The following APOB variants were observed in gnomAD, a reference collection of about 807,000 sequenced individuals.
APOB encodes apolipoprotein B, also known as apolipoprotein B-100.
APOB carries 153 observed loss-of-function variants against 314.1 expected under a neutral mutation model. The observed-to-expected ratio is 0.49, with a 90% CI of 0.43 to 0.56. APOB has a LOEUF of 0.56. Ranked by LOEUF, APOB falls within the 20% of genes least tolerant of loss-of-function variation. The pLI is 0.00. For missense variants in APOB, 5,430 were observed against 5,350.7 expected, an observed-to-expected ratio of 1.01 and a Z score of -0.46; for synonymous variants, 2,087 against 2,036.4, an observed-to-expected ratio of 1.02 and a Z score of -0.67.
In APOB at chr2:21,011,216, G is replaced by T. The variant is rs766106302; in HGVS notation, c.5652C>A (p.Asn1884Lys). ...TGAAATGCAGTGAGTCTGAATTATA[G>T]TTTGTGCTCATGTCAATGGCTGAAG... ...GLASAIDMSTNYNSDSLHFSN... is the reference protein window; with the variant it reads ...GLASAIDMSTKYNSDSLHFSN... The change falls in exon 26 of 29, where the codon AAC (asparagine) becomes AAA (lysine). Residue 1884 changes from asparagine to lysine, a missense_variant. This residue lies in a region of APOB where 3,281 missense variants were observed against 3,171.0 expected (regional missense o/e 1.03). Coordinates refer to ENST00000233242, the MANE Select transcript of APOB (RefSeq NM_000384.3). 1 of 1,614,174 alleles carries T rather than the reference G, an allele frequency of 6.2e-7. No individual in the cohort carries two copies. The highest frequency in any genetic ancestry group is 1.1e-5 in the South Asian group (1 of 91,078).
rs886055584 is a variant in APOB at position 21,010,564 on chromosome 2, T to C, written c.6304A>G (p.Ile2102Val). The change falls in exon 26 of 29, where the codon ATC becomes GTC. Residue 2102 changes from isoleucine to valine, a missense_variant. Around this residue, in one of 3 missense-constraint regions of APOB, gnomAD observed 3,281 missense variants for 3,171.0 expected, o/e 1.03. Transcript: ENST00000233242. ...TTTCTTACAAATTGATCAATATTGA[T>C]GTGCTTCAGGTTTCTCTGTACGTTT... ...LENVQRNLKH[I>V]NIDQFVRKYR... The C allele has an allele frequency of 6.2e-7, 1 of 1,613,276 alleles. No individual in the cohort carries two copies.
At chr2:21,019,645 A>AT (rs34920068) in intron 19 of APOB, 78 bp downstream of exon 19, 3 of 1,457,326 alleles carry the variant, frequency 2.1e-6, no homozygotes, top group East Asian at 2.3e-5. Flanking sequence ...AACACAGAGT[A>AT]TTTTTTCCTG....
At position 21,012,232 on chromosome 2, in the gene APOB, A is replaced by T. The variant is rs762770457; in HGVS notation, c.4636T>A (p.Ser1546Thr). The T allele has an allele frequency of 3.9e-5, 62 of 1,609,914 alleles. No individual in the cohort carries two copies. The highest frequency in any genetic ancestry group is 5.3e-5 in the Non-Finnish European group (62 of 1,177,046). Residue 1546 changes from serine to threonine, a missense_variant, in exon 26 of 29, where the codon TCC becomes ACC. Transcript: ENST00000233242. ...ATGCCACTTTGCAGATCAGAGGTGGAGGTGAGGGAGAGGGTTCCATCTTCA... is the reference window on the plus strand; with the variant it reads ...ATGCCACTTTGCAGATCAGAGGTGGTGGTGAGGGAGAGGGTTCCATCTTCA... ...RYEDGTLSLT[S>T]TSDLQSGIIK...
chr2:21,043,091 G>T (rs1304801725), intron 2 of APOB, among the ~76,000 whole-genome samples: 4 of 149,748 alleles, frequency 2.7e-5, no homozygotes, highest in African/African-American at 7.4e-5. Context: ...ACAGGGTCGC[G>T]CTTGGAGGCC....
In APOB at chr2:21,043,618, G is replaced by C. The variant is rs12714269; in HGVS notation, c.83-67C>G. The C allele has an allele frequency of 7.1e-6, 11 of 1,556,108 alleles. No individual in the cohort carries two copies. In the East Asian group the frequency reaches 1.7e-4, roughly 23 times the overall value. On this transcript the variant is annotated intron_variant, in intron 1 of 28. Coordinates refer to ENST00000233242, the MANE Select transcript of APOB (RefSeq NM_000384.3). ...TCCCAGCGGGTGCTAGGGCCCGACA[G>C]GGGGACCACCGGCACAGGTTTCACC...
Position 21,005,408 on chromosome 2 carries a change from T to G in APOB, c.11460A>C (p.Leu3820Phe). 6.2e-7 allele frequency: 1 copy of G among 1,614,074 alleles called. No homozygotes were observed. The change falls in exon 26 of 29, where the codon TTA (leucine) becomes TTC (phenylalanine). Residue 3820 changes from leucine (L) to phenylalanine (F), a missense_variant. Transcript: ENST00000233242. ...TTGGAAGCGTGAACTGGGACACAGT[T>G]AACTGAGATTCAGGCACGGTTATCT... is the stretch of plus-strand genomic sequence containing the variant. ...FFEITVPESQ[L>F]TVSQFTLPKS... is the part of the protein sequence containing the mutation.
chr2:21,029,620 C>T lies in APOB; in HGVS notation c.1617+19G>A, dbSNP rs773902785. 2.4e-5 allele frequency: 39 copies of T among 1,613,826 alleles called. No individual in the cohort carries two copies. In the Middle Eastern group the frequency reaches 6.6e-4, roughly 27 times the overall value. On this transcript the variant is annotated intron_variant, in intron 12 of 28. Transcript: ENST00000233242. ...TGTTAATAAACTTTCACTTTCAGAC[C>T]TCTTCTTGTGGACTTTACCTTGTCT... is the stretch of plus-strand genomic sequence containing the variant.
Position 21,008,756 on chromosome 2 carries a change from C to A in APOB, c.8112G>T (p.Ala2704=). The A allele has an allele frequency of 1.2e-6, 2 of 1,613,964 alleles. No homozygotes were observed. The highest frequency in any genetic ancestry group is 1.7e-6 in the Non-Finnish European group (2 of 1,179,938). Residue 2704 remains alanine (A), a synonymous_variant, in exon 26 of 29, where the codon GCG becomes GCT. Coordinates refer to ENST00000233242, the MANE Select transcript of APOB (RefSeq NM_000384.3). ...RDLKVEDIPL[A]RITLPDFRLP... ...AACGGAAGTCTGGCAGGGTGATTCT[C>A]GCTAGAGGAATGTCCTCCACCTTCA...
At chr2:21,037,026 G>T in intron 6 of APOB, 74 bp downstream of exon 6, 1 of 1,591,374 alleles carries the variant, frequency 6.3e-7, no homozygotes, top group Non-Finnish European at 8.6e-7. Flanking sequence ...GTGCCCACTA[G>T]CTCAAAAGTT....
At position 21,019,033 on chromosome 2, in the gene APOB, C is replaced by G. The variant is rs147896704; in HGVS notation, c.3080G>C (p.Arg1027Thr). The change falls in exon 20 of 29, where the codon AGA becomes ACA. Residue 1027 changes from arginine (R) to threonine (T), a missense_variant. Physicochemically the swap from Arg to Thr is moderately conservative, Grantham distance 71. Coordinates refer to ENST00000233242, the MANE Select transcript of APOB (RefSeq NM_000384.3). ...SATYELQRED[R>T]ALVDTLKFVT... ...AAACTTCAGGGTATCCACCAAGGCTCTGTCCTCTCTCTGGAGCTCATAGGT... is the reference window on the plus strand; with the variant it reads ...AAACTTCAGGGTATCCACCAAGGCTGTGTCCTCTCTCTGGAGCTCATAGGT... 4 of 1,613,992 alleles carry G rather than the reference C, an allele frequency of 2.5e-6. No homozygotes were observed. The African/African-American group carries it at 5.3e-5, about 22-fold the overall frequency.
rs919234513 is a variant in APOB at position 21,002,547 on chromosome 2, G to A, written c.12875C>T (p.Thr4292Ile). The change falls in exon 29 of 29, where the codon ACC (threonine) becomes ATC (isoleucine). Residue 4292 changes from threonine to isoleucine, a missense_variant. Physicochemically the swap from Thr to Ile is moderately conservative, Grantham distance 89 (BLOSUM62 -1). This residue lies in a region of APOB where 3,281 missense variants were observed against 3,171.0 expected (regional missense o/e 1.03). Transcript: ENST00000233242. The part of the protein sequence containing the change: ...EVFKAIQSLK[T>I]TEVLRNLQDL... ...CTGAAGATTACGTAGCACCTCTGTG[G>A]TCTTGAGAGACTGAATGGCTTTAAA... 3.1e-6 allele frequency: 5 copies of A among 1,613,818 alleles called. No individual in the cohort carries two copies. Among genetic ancestry groups the A allele is most frequent in the Non-Finnish European group, 4.2e-6 (5 of 1,179,906 alleles).
intron 20 of APOB, 44 bp downstream of exon 20, chr2:21,018,948 G>A (rs772985337): frequency 1.1e-5 from 17 of 1,613,526 alleles, no homozygotes; most frequent in Admixed American, 6.7e-5. Context: ...TTCTGAACCT[G>A]AGACTGCGAG....
rs751695242 is a variant in APOB, at chr2:21,029,819, G to C, written c.1471-34C>G. The C allele has an allele frequency of 3.3e-5, 53 of 1,613,466 alleles. 1 individual carries two copies. Among genetic ancestry groups the C allele is most frequent in the Non-Finnish European group, 3.6e-5 (43 of 1,179,908 alleles). ...AAGAAAAGAAACAAGAACCCATCAG[G>C]GTGCAGGAGAGGGAAGTAAAAGGTG... On this transcript the variant is annotated intron_variant, in intron 11 of 28. Coordinates refer to ENST00000233242, the MANE Select transcript of APOB (RefSeq NM_000384.3).
rs1410827460 is a variant in APOB at position 21,005,805 on chromosome 2, A to G, written c.11063T>C (p.Leu3688Pro). Residue 3688 changes from leucine to proline, a missense_variant, in exon 26 of 29, where the codon CTA becomes CCA. Around this residue, in one of 3 missense-constraint regions of APOB, gnomAD observed 3,281 missense variants for 3,171.0 expected, o/e 1.03. Coordinates refer to ENST00000233242, the MANE Select transcript of APOB (RefSeq NM_000384.3). ...PVYDKSLWDF[L>P]KLDVTTSIGR... ...AATGCTGGTGGTTACATCCAGCTTT[A>G]GGAAATCCCATAAGCTCTTGTCATA... is the stretch of plus-strand genomic sequence containing the variant. 3 of 1,613,944 alleles carry G rather than the reference A, an allele frequency of 1.9e-6. No homozygotes were observed. The highest frequency in any genetic ancestry group is 2.5e-6 in the Non-Finnish European group (3 of 1,179,970).
At position 21,043,850 on chromosome 2, in the gene APOB, G is replaced by T; in HGVS notation, c.82+14C>A. On this transcript the variant is annotated intron_variant, in intron 1 of 28. Coordinates refer to ENST00000233242, the MANE Select transcript of APOB (RefSeq NM_000384.3). ...CCCGCTCCCTCTGCGCCCGCAGAGC[G>T]GCCGCGCACTCACCGGCCCTGGCGC... 2.6e-6 allele frequency: 4 copies of T among 1,523,510 alleles called. No individual in the cohort carries two copies. The highest frequency in any genetic ancestry group is 3.5e-6 in the Non-Finnish European group (4 of 1,141,146). 94.4% of individuals were successfully genotyped at this position (1,523,510 alleles called of 1,614,324 possible). A position where few individuals can be genotyped will look rare whatever the true frequency, so the allele number is the denominator to read the frequency against.
At chr2:21,018,042 T>C (rs983428628) in intron 20 of APOB, among the ~76,000 whole-genome samples, 1 of 152,162 alleles carries the variant, frequency 6.6e-6, no homozygotes, top group African/African-American at 2.4e-5. Flanking sequence ...TCTCAATAAA[T>C]GGAAGTTCCA....
In APOB at chr2:21,011,107, C is replaced by T. The variant is rs1273702976; in HGVS notation, c.5761G>A (p.Gly1921Arg). The change falls in exon 26 of 29, where the codon GGA becomes AGA. Residue 1921 changes from glycine to arginine, a missense_variant. Physicochemically the swap from Gly to Arg is moderately radical, Grantham distance 125. Around this residue, in one of 3 missense-constraint regions of APOB, gnomAD observed 3,281 missense variants for 3,171.0 expected, o/e 1.03. Coordinates refer to ENST00000233242, the MANE Select transcript of APOB (RefSeq NM_000384.3). ...CTATACAGCTGCCCAGTATGTTCTC[C>T]CCAGAGAGCGAGTTTCCCATTGCCA... The part of the protein sequence containing the change: ...TNGNGKLALW[G>R]EHTGQLYSKF... 1 of 1,614,210 alleles carries T rather than the reference C, an allele frequency of 6.2e-7. No homozygotes were observed. The highest frequency in any genetic ancestry group is 1.1e-5 in the South Asian group (1 of 91,086).
Position 21,006,655 on chromosome 2 carries a change from A to C in APOB, c.10213T>G (p.Phe3405Val). The change falls in exon 26 of 29, where the codon TTT becomes GTT. Residue 3405 changes from phenylalanine to valine, a missense_variant. Physicochemically the swap from Phe to Val is conservative, Grantham distance 50. Transcript: ENST00000233242. ...LATALSLSNKFVEGSHNSTVS... is the reference protein window; with the variant it reads ...LATALSLSNKVVEGSHNSTVS... ...GTACTGTTATGACTACCCTCCACAA[A>C]TTTGTTGCTCAGAGACAGAGCTGTG... The C allele has an allele frequency of 6.2e-7, 1 of 1,614,070 alleles. No homozygotes were observed. The highest frequency in any genetic ancestry group is 8.5e-7 in the Non-Finnish European group (1 of 1,179,970).
chr2:21,029,825 G>A (rs956802896), intron 11 of APOB, 40 bp from the exon 12 acceptor site: 1 of 1,613,260 alleles, frequency 6.2e-7, no homozygotes, highest in Admixed American at 1.7e-5. Flanking sequence ...TCAGGGTGCA[G>A]GAGAGGGAAG....
Sources: gnomAD v4.1 joint callset for allele counts (sites outside exome capture counted in the v4.1 genomes callset) on GRCh38, gnomAD v4.1.1 for gene constraint, gnomAD v4.1.1 regional missense constraint, MANE v1.5 for transcripts, NCBI Gene and HGNC (gene_info 2026-07-23, HGNC 2026-07-21) for gene names.